Variants in UBE2E2 observed in about 807,000 individuals in gnomAD.
UBE2E2 encodes ubiquitin-conjugating enzyme E2 E2.
A neutral mutation model predicts 24.7 loss-of-function variants in UBE2E2; 6 were observed. That is an observed-to-expected ratio of 0.24 (90% CI 0.13 to 0.48). The LOEUF is 0.48. Among genes scored for constraint, UBE2E2 ranks in the 20% least tolerant of loss-of-function variants. UBE2E2 has a pLI of 0.99. For missense variants in UBE2E2, 169 were observed against 245.0 expected (o/e 0.69, Z 2.07); for synonymous variants, 104 against 83.6 (o/e 1.24, Z -1.33).
rs200335253 is a variant in UBE2E2, at chr3:23,457,938, TA to T, written c.228-41666del. On this transcript the variant is annotated intron_variant, in intron 3 of 5. Transcript: ENST00000396703. The stretch of plus-strand genomic sequence containing the variant: ...GGCTGGTTTGATCTATTCAGACCAC[TA>T]AAACTTTCTTCATATCAGCAATAAA... Among the ~76,000 whole-genome samples, 1,330 of 152,342 alleles carry T rather than the reference TA, an allele frequency of 8.7e-3. 39 individuals are homozygous for T. In the East Asian group the frequency reaches 0.09, roughly 10 times the overall value.
Position 23,354,118 on chromosome 3 carries a change from G to C in UBE2E2, c.227+136806G>C, listed in dbSNP as rs1346560127. Among the ~76,000 whole-genome samples, 11 of 152,178 alleles carry C rather than the reference G, an allele frequency of 7.2e-5. No homozygotes were observed. In the East Asian group the frequency reaches 1.7e-3, roughly 24 times the overall value. On this transcript the variant is annotated intron_variant, in intron 3 of 5. Coordinates refer to ENST00000396703, the MANE Select transcript of UBE2E2 (RefSeq NM_152653.4). ...ACTATCTGATCTTTGACAAACCTGA[G>C]AAAAGCAAGCAATGGGGAAAGGATT... is the stretch of plus-strand genomic sequence containing the variant.
chr3:23,220,567 A>T (rs1380559069), intron 3 of UBE2E2, among the ~76,000 whole-genome samples: 1 of 152,208 alleles, frequency 6.6e-6, no homozygotes, highest in Non-Finnish European at 1.5e-5. Context: ...TCTTGGCCTT[A>T]ACTGTCATGT....
intron 5 of UBE2E2, among the ~76,000 whole-genome samples, chr3:23,588,926 G>A (rs1229334949): frequency 6.6e-6 from 1 of 152,136 alleles, no homozygotes; most frequent in African/African-American, 2.4e-5. Flanking sequence ...AGGAAGAAGT[G>A]GACCATCTCT....
chr3:23,581,687 A>G (rs991287663), intron 5 of UBE2E2, among the ~76,000 whole-genome samples: 2 of 152,210 alleles, frequency 1.3e-5, no homozygotes. Context: ...CTTTTCCACT[A>G]TGCTATACTA....
At position 23,353,839 on chromosome 3, in the gene UBE2E2, C is replaced by T. The variant is rs1005386665; in HGVS notation, c.227+136527C>T. On this transcript the variant is annotated intron_variant, in intron 3 of 5. Transcript: ENST00000396703. ...AGGTAATTTATAGATTCAATGCCAT[C>T]CCCATCAAGCTACCAATGAGTTTCT... Among the ~76,000 whole-genome samples, 15 of 152,146 alleles carry T rather than the reference C, an allele frequency of 9.9e-5. 1 individual carries two copies. The highest frequency in any genetic ancestry group is 7.9e-4 in the Admixed American group (12 of 15,266).
chr3:23,336,647 C>T (rs907313762), intron 3 of UBE2E2, among the ~76,000 whole-genome samples: 6 of 152,082 alleles, frequency 3.9e-5, no homozygotes, highest in Admixed American at 1.3e-4. Context: ...GTAGATATTG[C>T]GTATCTCAAA....
chr3:23,261,159 T>C (rs999104235), intron 3 of UBE2E2, among the ~76,000 whole-genome samples: 1 of 151,526 alleles, frequency 6.6e-6, no homozygotes, highest in African/African-American at 2.4e-5. Flanking sequence ...TGGTAAGCAG[T>C]GTAACTGTGG....
chr3:23,289,033 C>T (rs1223374258), intron 3 of UBE2E2, among the ~76,000 whole-genome samples: 3 of 152,162 alleles, frequency 2.0e-5, no homozygotes, highest in African/African-American at 4.8e-5. Context: ...TTACCACTCA[C>T]CTGATGTTTA....
chr3:23,271,858 C>T (rs1216322371), intron 3 of UBE2E2, among the ~76,000 whole-genome samples: 3 of 151,678 alleles, frequency 2.0e-5, no homozygotes, highest in African/African-American at 4.8e-5. Flanking sequence ...ATTGGTGCAT[C>T]CACGAACCCT....
chr3:23,310,299 C>CTT (rs1575551745), intron 3 of UBE2E2, among the ~76,000 whole-genome samples: 7 of 39,222 alleles, frequency 1.8e-4, no homozygotes, highest in East Asian at 1.5e-3. Flanking sequence ...AAAAGGCATG[C>CTT]CTTTTTTTTT....
intron 3 of UBE2E2, among the ~76,000 whole-genome samples, chr3:23,456,921 G>C (rs184224066): frequency 9.2e-5 from 14 of 152,306 alleles, no homozygotes; most frequent in Admixed American, 2.0e-4. Context: ...TCTTCCAAAA[G>C]AAGGCTGTTT....
intron 3 of UBE2E2, among the ~76,000 whole-genome samples, chr3:23,307,857 A>T (rs1275237227): frequency 6.6e-6 from 1 of 152,190 alleles, no homozygotes; most frequent in Non-Finnish European, 1.5e-5. Flanking sequence ...AATAGAAGTG[A>T]CCATCTTAAT....
At chr3:23,312,711 G>A (rs918869015) in intron 3 of UBE2E2, among the ~76,000 whole-genome samples, 1 of 151,956 alleles carries the variant, frequency 6.6e-6, no homozygotes, top group African/African-American at 2.4e-5. Context: ...GCATCCTTGG[G>A]TGGCTTATTT....
At chr3:23,475,164 A>G (rs1175797089) in intron 3 of UBE2E2, among the ~76,000 whole-genome samples, 2 of 151,890 alleles carry the variant, frequency 1.3e-5, no homozygotes, top group East Asian at 1.9e-4. Flanking sequence ...TCTGTTGCCA[A>G]TACCTTTAAA....
intron 3 of UBE2E2, chr3:23,271,190 C>G (rs773355155): frequency 2.5e-6 from 1 of 398,294 alleles, no homozygotes; most frequent in Non-Finnish European, 4.8e-6. Flanking sequence ...TTCTTGGTCT[C>G]GCTGACTTCA....
intron 5 of UBE2E2, among the ~76,000 whole-genome samples, chr3:23,542,278 G>C (rs537278637): frequency 6.6e-6 from 1 of 152,244 alleles, no homozygotes; most frequent in African/African-American, 2.4e-5. Flanking sequence ...TGCGGGTAAT[G>C]CATCTTTTCT....
At chr3:23,279,364 G>A (rs2132147) in intron 3 of UBE2E2, among the ~76,000 whole-genome samples, 105,413 of 152,036 alleles carry the variant, frequency 0.69, 36,662 homozygotes, top group Admixed American at 0.74. Context: ...GAAAGCACAC[G>A]CTTGGCTGAA....
At chr3:23,332,718 T>C (rs34064548) in intron 3 of UBE2E2, among the ~76,000 whole-genome samples, 13,112 of 148,284 alleles carry the variant, frequency 0.088, 717 homozygotes, top group East Asian at 0.13. Context: ...TGTGTGTGTG[T>C]GCAGCTATGG....
At chr3:23,412,526 G>A (rs1452810349) in intron 3 of UBE2E2, among the ~76,000 whole-genome samples, 1 of 152,078 alleles carries the variant, frequency 6.6e-6, no homozygotes, top group Non-Finnish European at 1.5e-5. Flanking sequence ...AATTCCTACT[G>A]GTTAGTAGAA....
Sources: allele counts gnomAD v4.1 joint callset (sites outside exome capture counted in the v4.1 genomes callset), GRCh38; gene constraint gnomAD v4.1.1; transcripts MANE v1.5; gene names NCBI Gene and HGNC (gene_info 2026-07-23, HGNC 2026-07-21).